The following CLDN16 variants were observed in gnomAD, a reference collection of about 807,000 sequenced individuals.
CLDN16 encodes claudin-16.
A neutral mutation model predicts 24.6 loss-of-function variants in CLDN16; 13 were observed. That is an observed-to-expected ratio of 0.53 (90% confidence interval 0.34 to 0.84). CLDN16 has a LOEUF of 0.84. Ranked by LOEUF, CLDN16 falls within the 40% of genes least tolerant of loss-of-function variation. CLDN16 has a pLI of 0.01. For missense variants in CLDN16, 298 were observed against 292.7 expected, an observed-to-expected ratio of 1.02 and a Z score of -0.13; for synonymous variants, 116 against 106.7, an observed-to-expected ratio of 1.09 and a Z score of -0.54.
intron 1 of CLDN16, among the ~76,000 whole-genome samples, chr3:190,398,351 C>T (rs1437424297): frequency 1.3e-5 from 2 of 152,214 alleles, no homozygotes; most frequent in African/African-American, 4.8e-5. Context: ...CTGGAAGAAT[C>T]CGTTCTTAGC....
At chr3:190,338,004 G>A (rs566714794) in intron 1 of CLDN16, among the ~76,000 whole-genome samples, 135 of 152,264 alleles carry the variant, frequency 8.9e-4, no homozygotes, top group Admixed American at 1.6e-3. Flanking sequence ...TGTAGATGGA[G>A]ACACTATACT....
chr3:190,310,470 A>G, the CLDN16 span, among the ~76,000 whole-genome samples: 1 of 152,212 alleles, frequency 6.6e-6, no homozygotes, highest in Non-Finnish European at 1.5e-5. Context: ...GACAAAATTT[A>G]TACTTTTTTA....
At chr3:190,351,047 C>G (rs1177096510) in intron 1 of CLDN16, among the ~76,000 whole-genome samples, 2 of 151,982 alleles carry the variant, frequency 1.3e-5, no homozygotes, top group African/African-American at 4.8e-5. Context: ...GCTTGGTGCT[C>G]TCCTTGATTA....
intron 1 of CLDN16, among the ~76,000 whole-genome samples, chr3:190,366,632 C>T (rs1441579086): frequency 6.6e-6 from 1 of 151,926 alleles, no homozygotes; most frequent in South Asian, 2.1e-4. Context: ...ACAAAAACAC[C>T]TTGGCCAATC....
chr3:190,397,669 A>G (rs866393125), intron 1 of CLDN16, among the ~76,000 whole-genome samples: 1 of 152,226 alleles, frequency 6.6e-6, no homozygotes, highest in African/African-American at 2.4e-5. Context: ...TGAGTGCTAC[A>G]TTAACACAGA....
intron 1 of CLDN16, among the ~76,000 whole-genome samples, chr3:190,336,276 C>T (rs1439473997): frequency 6.6e-6 from 1 of 152,174 alleles, no homozygotes; most frequent in Non-Finnish European, 1.5e-5. Context: ...AGCCTAAATT[C>T]ATGCCTAGGT....
intron 1 of CLDN16, among the ~76,000 whole-genome samples, chr3:190,400,679 C>A (rs950792956): frequency 6.6e-6 from 1 of 152,150 alleles, no homozygotes; most frequent in Non-Finnish European, 1.5e-5. Flanking sequence ...AAATAGTATT[C>A]CATTGTGTAG....
upstream of CLDN16, among the ~76,000 whole-genome samples, chr3:190,387,276 G>A (rs966090435): frequency 1.3e-5 from 2 of 152,092 alleles, no homozygotes; most frequent in Non-Finnish European, 2.9e-5. Context: ...TACCTATTCA[G>A]ATACAGATAA....
chr3:190,297,960 C>A, the CLDN16 span, among the ~76,000 whole-genome samples: 1 of 151,794 alleles, frequency 6.6e-6, no homozygotes, highest in Non-Finnish European at 1.5e-5. Context: ...TTTTGATGGA[C>A]AGCAACGTGG....
intron 1 of CLDN16, among the ~76,000 whole-genome samples, chr3:190,391,031 C>G (rs1172483560): frequency 6.6e-6 from 1 of 152,126 alleles, no homozygotes; most frequent in Non-Finnish European, 1.5e-5. Flanking sequence ...AAGTGATCCT[C>G]TTGCCTCGGC....
intron 1 of CLDN16, among the ~76,000 whole-genome samples, chr3:190,389,015 T>C (rs1718582399): frequency 6.6e-6 from 1 of 152,174 alleles, no homozygotes; most frequent in Admixed American, 6.5e-5. Context: ...CATCCCAATG[T>C]ACGGGGGACA....
chr3:190,328,576 A>T (rs996049733), intron 1 of CLDN16, among the ~76,000 whole-genome samples: 1 of 152,162 alleles, frequency 6.6e-6, no homozygotes, highest in Non-Finnish European at 1.5e-5. Flanking sequence ...GTATTCCATT[A>T]GCAAGGAATA....
the CLDN16 span, among the ~76,000 whole-genome samples, chr3:190,300,387 G>T: frequency 6.6e-6 from 1 of 150,714 alleles, no homozygotes; most frequent in Non-Finnish European, 1.5e-5. Flanking sequence ...ACACTCAACA[G>T]CCTGAAGTTT....
intron 2 of CLDN16, 108 bp from the exon 3 acceptor site, chr3:190,404,654 A>T: frequency 9.8e-7 from 1 of 1,021,808 alleles, no homozygotes; most frequent in Non-Finnish European, 1.5e-6. Context: ...CTTTTACCGG[A>T]GGGGTGTGTT....
chr3:190,335,987 A>C (rs7641462), intron 1 of CLDN16, among the ~76,000 whole-genome samples: 46,927 of 151,934 alleles, frequency 0.31, 7,626 homozygotes, highest in East Asian at 0.6. Flanking sequence ...TACAATTGCT[A>C]AAGTGTTGGA....
chr3:190,291,576 G>C, the CLDN16 span, among the ~76,000 whole-genome samples: 1 of 152,090 alleles, frequency 6.6e-6, no homozygotes. Flanking sequence ...ATTAAAATTT[G>C]AGATGTATTT....
chr3:190,382,234 C>T (rs2108654106), intron 3 of CLDN16, among the ~76,000 whole-genome samples: 1 of 152,182 alleles, frequency 6.6e-6, no homozygotes, highest in African/African-American at 2.4e-5. Context: ...ACCTGGTTCA[C>T]TCAAAACACC....
At chr3:190,341,546 AT>A (rs201342936) in intron 1 of CLDN16, among the ~76,000 whole-genome samples, 5,947 of 151,668 alleles carry the variant, frequency 0.039, 387 homozygotes, top group African/African-American at 0.13. Flanking sequence ...CCACTAAACA[AT>A]TTTTTTCCTC....
Position 190,402,342 on chromosome 3 carries a change from C to G in CLDN16, c.120C>G (p.Ser40Arg), listed in dbSNP as rs1264612767. The change falls in exon 2 of 5, where the codon AGC becomes AGG. Residue 40 changes from serine to arginine, a missense_variant. Ser to Arg is a moderately radical substitution (Grantham distance 110). Coordinates refer to ENST00000264734, the MANE Select transcript of CLDN16 (RefSeq NM_006580.4). ...GTGTCTTCTCTAACATCTAGGTGAGCACAAAATGCCGAGGCCTCTGGTGGG... is the reference window on the plus strand; with the variant it reads ...GTGTCTTCTCTAACATCTAGGTGAGGACAAAATGCCGAGGCCTCTGGTGGG... ...MVNADDSLEV[S>R]TKCRGLWWEC... 2.5e-6 allele frequency: 4 copies of G among 1,613,228 alleles called. No homozygotes were observed. The highest frequency in any genetic ancestry group is 3.4e-6 in the Non-Finnish European group (4 of 1,179,394).
Sources: gnomAD v4.1 joint callset for allele counts (sites outside exome capture counted in the v4.1 genomes callset) on GRCh38, gnomAD v4.1.1 for gene constraint, MANE v1.5 for transcripts, NCBI Gene and HGNC (gene_info 2026-07-23, HGNC 2026-07-21) for gene names.